PCDHA1: variants seen among roughly 807,000 people sequenced by gnomAD.
The protein encoded by PCDHA1 is protocadherin alpha-1.
A neutral mutation model predicts 61.3 loss-of-function variants in PCDHA1; 42 were observed. The ratio of observed to expected loss-of-function variants is 0.69; its 90% CI spans 0.54 to 0.89. PCDHA1 has a LOEUF of 0.89. Ranked by LOEUF, PCDHA1 falls within the 40% of genes least tolerant of loss-of-function variation. PCDHA1 has a pLI of 0.00. For synonymous variants in PCDHA1, 610 were observed against 553.8 expected, an observed-to-expected ratio of 1.10 and a Z score of -1.43; for missense variants, 1,256 against 1,235.3, an observed-to-expected ratio of 1.02 and a Z score of -0.25.
In PCDHA1 at chr5:140,852,727, G is replaced by T. The variant is rs1395858951; in HGVS notation, c.2394+64043G>T. The T allele has an allele frequency of 2.0e-6, 2 of 983,412 alleles. 1 individual carries two copies. The highest frequency in any genetic ancestry group is 2.5e-6 in the Non-Finnish European group (2 of 816,078). 60.9% of individuals were successfully genotyped at this position (983,412 alleles called of 1,614,324 possible). A position where few individuals can be genotyped will look rare whatever the true frequency, so the allele number is the denominator to read the frequency against. On this transcript the variant is annotated intron_variant, in intron 1 of 3. Transcript: ENST00000504120. ...ATCTTTGTCTTTGCACGTTTTTCAA[G>T]TTTCATGTGCCATTTAAACTTGGAC...
intron 1 of PCDHA1, among the ~76,000 whole-genome samples, chr5:140,909,960 C>T (rs1419796014): frequency 6.6e-6 from 1 of 152,184 alleles, no homozygotes; most frequent in Non-Finnish European, 1.5e-5. Context: ...CGTAGGTCTC[C>T]ATGGGGAAGG....
chr5:140,846,373 CT>C (rs2150388509), intron 1 of PCDHA1, among the ~76,000 whole-genome samples: 2,055 of 55,084 alleles, frequency 0.037, 29 homozygotes, highest in African/African-American at 0.088. Flanking sequence ...TTCTTTCTTT[CT>C]TTTTTTTTTT....
At chr5:140,825,406 A>G (rs1554130225) in intron 1 of PCDHA1, 1 of 146,270 alleles carries the variant, frequency 6.8e-6, no homozygotes, top group African/African-American at 2.5e-5. Context: ...TATATTATAT[A>G]TTTTATATAA....
chr5:140,955,647 T>G (rs1395732517), intron 1 of PCDHA1, among the ~76,000 whole-genome samples: 1 of 152,116 alleles, frequency 6.6e-6, no homozygotes, highest in Non-Finnish European at 1.5e-5. Context: ...AACAAATTAA[T>G]ACACATATGA....
chr5:140,816,388 A>T (rs1012535188), intron 1 of PCDHA1: 2 of 152,194 alleles, frequency 1.3e-5, no homozygotes, highest in African/African-American at 2.4e-5. Context: ...TGAAATTCTG[A>T]TTCTGCTTAT....
intron 1 of PCDHA1, chr5:140,869,524 C>T: frequency 6.2e-7 from 1 of 1,614,188 alleles, no homozygotes; most frequent in Non-Finnish European, 8.5e-7. Flanking sequence ...ACAAAAGCTG[C>T]TGATTGCGGA....
intron 1 of PCDHA1, chr5:140,928,385 T>G: frequency 6.2e-7 from 1 of 1,614,046 alleles, no homozygotes; most frequent in Middle Eastern, 1.7e-4. Flanking sequence ...TCTAGCTTGC[T>G]GGCAGTGGAA....
chr5:140,795,782 C>G, intron 1 of PCDHA1: 2 of 1,613,704 alleles, frequency 1.2e-6, no homozygotes, highest in Admixed American at 3.3e-5. Context: ...GATGAAGGAC[C>G]GAACAGCGAG....
chr5:140,812,086 T>G (rs1198053589), intron 1 of PCDHA1: 4 of 151,976 alleles, frequency 2.6e-5, no homozygotes, highest in African/African-American at 7.2e-5. Context: ...AAAACAATTA[T>G]CATTGATTCT....
intron 1 of PCDHA1, among the ~76,000 whole-genome samples, chr5:140,915,886 T>G (rs1259377999): frequency 2.6e-5 from 4 of 152,186 alleles, no homozygotes; most frequent in Admixed American, 6.5e-5. Flanking sequence ...GGGTAGCAAG[T>G]TCCCCCTGGC....
At chr5:140,972,660 A>ATTTTTT (rs11350929) in intron 1 of PCDHA1, among the ~76,000 whole-genome samples, 2 of 117,268 alleles carry the variant, frequency 1.7e-5, no homozygotes, top group African/African-American at 3.3e-5. Context: ...AAGAAACCAA[A>ATTTTTT]TTTTTTTTTT....
At chr5:140,897,486 A>G (rs183789033) in intron 1 of PCDHA1, among the ~76,000 whole-genome samples, 2 of 151,962 alleles carry the variant, frequency 1.3e-5, no homozygotes, top group Admixed American at 6.5e-5. Flanking sequence ...ATGATTTCCA[A>G]TTTCAACCAT....
chr5:140,955,505 C>T (rs1253768939), intron 1 of PCDHA1, among the ~76,000 whole-genome samples: 2 of 152,152 alleles, frequency 1.3e-5, no homozygotes, highest in African/African-American at 2.4e-5. Flanking sequence ...TGAAGAAAGA[C>T]GTGTTTGCTT....
intron 1 of PCDHA1, among the ~76,000 whole-genome samples, chr5:140,897,779 G>T (rs1157810079): frequency 6.6e-6 from 1 of 152,138 alleles, no homozygotes; most frequent in Non-Finnish European, 1.5e-5. Flanking sequence ...CTTCCACAAT[G>T]GTTGAACTAG....
chr5:140,927,313 G>A (rs1229449253), intron 1 of PCDHA1: 6 of 1,614,074 alleles, frequency 3.7e-6, no homozygotes, highest in Admixed American at 3.3e-5. Context: ...GACGCCCGGA[G>A]CCCGCTTTAC....
intron 1 of PCDHA1, among the ~76,000 whole-genome samples, chr5:140,897,778 TG>T (rs1385536315): frequency 6.6e-6 from 1 of 152,208 alleles, no homozygotes; most frequent in Non-Finnish European, 1.5e-5. Flanking sequence ...ACTTCCACAA[TG>T]GTTGAACTAG....
chr5:140,867,523 A>AGT (rs2050005446), intron 1 of PCDHA1: 1 of 152,088 alleles, frequency 6.6e-6, no homozygotes, highest in South Asian at 2.1e-4. Context: ...TTAATAGTTG[A>AGT]ATATATATAT....
At chr5:140,802,168 A>T (rs1353989161) in intron 1 of PCDHA1, 4 of 1,614,244 alleles carry the variant, frequency 2.5e-6, no homozygotes, top group Non-Finnish European at 3.4e-6. Context: ...GAAGCCACGG[A>T]TAAAGGAAAT....
intron 3 of PCDHA1, among the ~76,000 whole-genome samples, chr5:140,987,333 T>C (rs1470731690): frequency 6.6e-6 from 1 of 152,158 alleles, no homozygotes; most frequent in East Asian, 1.9e-4. Context: ...TAAGAACTGG[T>C]CTAAGGTAAA....
Sources: gnomAD v4.1 joint callset for allele counts (sites outside exome capture counted in the v4.1 genomes callset) on GRCh38, gnomAD v4.1.1 for gene constraint, MANE v1.5 for transcripts, NCBI Gene and HGNC (gene_info 2026-07-23, HGNC 2026-07-21) for gene names.